MED9: variants seen among roughly 807,000 people sequenced by gnomAD.
MED9 encodes the protein mediator complex subunit 9, also known as mediator of RNA polymerase II transcription subunit 9.
In MED9, 8 loss-of-function variants were observed where a neutral mutation model predicts 13.2. That is an observed-to-expected ratio of 0.61 (90% confidence interval 0.36 to 1.10). The LOEUF (loss-of-function observed/expected upper bound fraction) is 1.10, where lower values mean the gene tolerates loss of function less well. Among genes scored for constraint, MED9 ranks in the 50% least tolerant of loss-of-function variants. The pLI, the probability that MED9 is intolerant of heterozygous loss-of-function variation, is 0.02. For missense variants in MED9, 180 were observed against 193.4 expected, an observed-to-expected ratio of 0.93 and a Z score of 0.41; for synonymous variants, 87 against 82.8, an observed-to-expected ratio of 1.05 and a Z score of -0.28.
At position 17,491,651 on chromosome 17, in the gene MED9, G is replaced by T; in HGVS notation, c.*156G>T. ...CTGTGCTGCTGCGCGCGCTTCGCCTGTGCGGGAGCCAGCGCAGAGCTTGGC... is the reference window on the plus strand; with the variant it reads ...CTGTGCTGCTGCGCGCGCTTCGCCTTTGCGGGAGCCAGCGCAGAGCTTGGC... On this transcript the variant is annotated 3_prime_UTR_variant, in exon 2 of 2. Transcript: ENST00000268711. 1.4e-6 allele frequency: 1 copy of T among 717,190 alleles called. No individual in the cohort carries two copies. Among genetic ancestry groups the T allele is most frequent in the South Asian group, 1.8e-5 (1 of 55,182 alleles). 44.4% of individuals were successfully genotyped at this position (717,190 alleles called of 1,614,324 possible). A position where few individuals can be genotyped will look rare whatever the true frequency, so the allele number is the denominator to read the frequency against.
Position 17,483,887 on chromosome 17 carries a change from C to G in MED9, c.224+6622C>G, listed in dbSNP as rs1322485892. ...GGGAGGCGGAGGTTGCAGTGAGCCA[C>G]GATCGCACCATTGCACTCCAGCCTG... On this transcript the variant is annotated intron_variant, in intron 1 of 1. Transcript: ENST00000268711. The surrounding 1 kb of genome is among the most constrained non-coding windows in gnomAD (Gnocchi z 4.2). Among the ~76,000 whole-genome samples, 1 of 149,132 alleles carries G rather than the reference C, an allele frequency of 6.7e-6. No homozygotes were observed.
At position 17,483,935 on chromosome 17, in the gene MED9, CAA is replaced by C. The variant is rs1210627017; in HGVS notation, c.224+6683_224+6684del. Among the ~76,000 whole-genome samples, 8 of 94,948 alleles carry C rather than the reference CAA, an allele frequency of 8.4e-5. No homozygotes were observed. The highest frequency in any genetic ancestry group is 2.3e-4 in the Admixed American group (2 of 8,582). The allele number at this position is 94,948 out of a possible 152,430, so 62.3% of individuals were successfully genotyped here. A position where few individuals can be genotyped will look rare whatever the true frequency, so the allele number is the denominator to read the frequency against. ...CTGGCGACAGAGCGAGACTCCATCT[CAA>C]AAAAAAAAAAAAGAATGAGGAAAGG... On this transcript the variant is annotated intron_variant, in intron 1 of 1. Coordinates refer to ENST00000268711, the MANE Select transcript of MED9 (RefSeq NM_018019.3). The surrounding 1 kb of genome is among the most constrained non-coding windows in gnomAD (Gnocchi z 4.2).
At position 17,477,511 on chromosome 17, in the gene MED9, A is replaced by T. The variant is rs1904945347; in HGVS notation, c.224+246A>T. The T allele has an allele frequency of 6.2e-6, 3 of 484,622 alleles. No homozygotes were observed. In the East Asian group the frequency reaches 1.0e-4, roughly 17 times the overall value. The allele number at this position is 484,622 out of a possible 1,614,324, so 30.0% of individuals were successfully genotyped here. A position where few individuals can be genotyped will look rare whatever the true frequency, so the allele number is the denominator to read the frequency against. On this transcript the variant is annotated intron_variant, in intron 1 of 1. Coordinates refer to ENST00000268711, the MANE Select transcript of MED9 (RefSeq NM_018019.3). ...AAGCCAGCTTAGAGACTAAATGCAG[A>T]CTCTTGTCCAGCGGCTCAAATGTTC... is the stretch of plus-strand genomic sequence containing the variant.
Position 17,491,478 on chromosome 17 carries a change from G to A in MED9, c.424G>A (p.Glu142Lys), listed in dbSNP as rs1905226413. Residue 142 changes from glutamate (E) to lysine (K), a missense_variant, in exon 2 of 2, where the codon GAA (glutamate) becomes AAA (lysine). Coordinates refer to ENST00000268711, the MANE Select transcript of MED9 (RefSeq NM_018019.3). ...LQKYKSLCMF[E>K]IPKE is the part of the protein sequence containing the mutation. The stretch of plus-strand genomic sequence containing the variant: ...AAAGTACAAGAGCCTCTGCATGTTC[G>A]AAATCCCCAAGGAGTAGAGTGAGGC... 1.2e-6 allele frequency: 2 copies of A among 1,613,030 alleles called. No individual in the cohort carries two copies. Among genetic ancestry groups the A allele is most frequent in the Non-Finnish European group, 1.7e-6 (2 of 1,179,196 alleles).
At position 17,491,391 on chromosome 17, in the gene MED9, C is replaced by G. The variant is rs1218422135; in HGVS notation, c.337C>G (p.Gln113Glu). 3 of 1,609,594 alleles carry G rather than the reference C, an allele frequency of 1.9e-6. No individual in the cohort carries two copies. The highest frequency in any genetic ancestry group is 1.1e-5 in the South Asian group (1 of 90,992). The stretch of plus-strand genomic sequence containing the variant: ...GCCCGGCATCCACCTGAGCCCCGAA[C>G]AGCAGCAGCAGCAGCTGCAGAGCCT... ...TMPGIHLSPEQQQQQLQSLRE... is the reference protein window; with the variant it reads ...TMPGIHLSPEEQQQQLQSLRE... Residue 113 changes from glutamine to glutamate, a missense_variant, in exon 2 of 2, where the codon CAG becomes GAG. By Grantham distance (29) the Gln-to-Glu change is conservative. Transcript: ENST00000268711.
At chr17:17,479,623 A>G (rs1172423725) in intron 1 of MED9, among the ~76,000 whole-genome samples, 1 of 152,020 alleles carries the variant, frequency 6.6e-6, no homozygotes, top group Non-Finnish European at 1.5e-5. Flanking sequence ...CTGGGAGTTC[A>G]AGACCAGCCT....
rs1905239939 is a variant in MED9, at chr17:17,491,836, A to G, written c.*341A>G. The G allele has an allele frequency of 2.8e-6, 1 of 358,092 alleles. No homozygotes were observed. The highest frequency in any genetic ancestry group is 2.1e-5 in the African/African-American group (1 of 47,646). 22.2% of individuals were successfully genotyped at this position (358,092 alleles called of 1,614,324 possible). A position where few individuals can be genotyped will look rare whatever the true frequency, so the allele number is the denominator to read the frequency against. ...ATCTGCTGCGCCCGGCCCCACTGACAGATCTGAAGAGCACAGTAGGAAGGG... is the reference window on the plus strand; with the variant it reads ...ATCTGCTGCGCCCGGCCCCACTGACGGATCTGAAGAGCACAGTAGGAAGGG... On this transcript the variant is annotated 3_prime_UTR_variant, in exon 2 of 2. Transcript: ENST00000268711.
Position 17,483,809 on chromosome 17 carries a change from C to T in MED9, c.224+6544C>T, listed in dbSNP as rs1421339799. Among the ~76,000 whole-genome samples, 8 of 151,944 alleles carry T rather than the reference C, an allele frequency of 5.3e-5. No homozygotes were observed. Among genetic ancestry groups the T allele is most frequent in the East Asian group, 1.9e-4 (1 of 5,152 alleles). ...AAAATTAGCTGGATGTGGTGGTGCA[C>T]GCCTGTAATCCCAGCTACTAGGGAG... On this transcript the variant is annotated intron_variant, in intron 1 of 1. Coordinates refer to ENST00000268711, the MANE Select transcript of MED9 (RefSeq NM_018019.3). This position sits in a 1 kb window ranked among gnomAD's most constrained non-coding sequence, Gnocchi z 4.2.
intron 1 of MED9, chr17:17,477,574 C>G (rs559919954): frequency 2.9e-6 from 1 of 339,642 alleles, no homozygotes; most frequent in East Asian, 5.6e-5. Flanking sequence ...CTCTTTAAGC[C>G]TCAGTTTTCT....
chr17:17,479,866 C>T (rs888184909), intron 1 of MED9, among the ~76,000 whole-genome samples: 3 of 152,176 alleles, frequency 2.0e-5, no homozygotes, highest in African/African-American at 7.2e-5. Context: ...AGTGGATGAC[C>T]AGGGCTAATT....
At chr17:17,479,282 T>TA (rs1489819272) in intron 1 of MED9, among the ~76,000 whole-genome samples, 1 of 152,242 alleles carries the variant, frequency 6.6e-6, no homozygotes, top group African/African-American at 2.4e-5. Context: ...TTATCTCTAA[T>TA]ATGTCCATAG....
Position 17,491,453 on chromosome 17 carries a change from A to G in MED9, c.399A>G (p.Gln133=). Residue 133 remains glutamine, a synonymous_variant, in exon 2 of 2, where the codon CAA becomes CAG. Transcript: ENST00000268711. The part of the protein sequence containing the change: ...EQVRTKNELL[Q]KYKSLCMFEI... ...TCAGGACCAAGAATGAGCTTCTGCAAAAGTACAAGAGCCTCTGCATGTTCG... is the reference window on the plus strand; with the variant it reads ...TCAGGACCAAGAATGAGCTTCTGCAGAAGTACAAGAGCCTCTGCATGTTCG... 6.2e-7 allele frequency: 1 copy of G among 1,614,092 alleles called. No homozygotes were observed. The highest frequency in any genetic ancestry group is 1.1e-5 in the South Asian group (1 of 91,088).
At chr17:17,477,412 C>T in intron 1 of MED9, 147 bp downstream of exon 1, 1 of 829,176 alleles carries the variant, frequency 1.2e-6, no homozygotes. Flanking sequence ...AGAGGCCTTT[C>T]CCAAGACCAC....
At position 17,492,174 on chromosome 17, in the gene MED9, T is replaced by G. The variant is rs1458587168; in HGVS notation, c.*679T>G. ...CTCCAGGTTCCCTGCCTCCTAGCGCTCTCCTCGCCTTCAGCTCTTGCTCCC... is the reference window on the plus strand; with the variant it reads ...CTCCAGGTTCCCTGCCTCCTAGCGCGCTCCTCGCCTTCAGCTCTTGCTCCC... On this transcript the variant is annotated 3_prime_UTR_variant, in exon 2 of 2. Coordinates refer to ENST00000268711, the MANE Select transcript of MED9 (RefSeq NM_018019.3). 6.5e-6 allele frequency: 1 copy of G among 154,070 alleles called. No individual in the cohort carries two copies. The highest frequency in any genetic ancestry group is 1.4e-5 in the Non-Finnish European group (1 of 69,392). The allele number at this position is 154,070 out of a possible 1,614,324, so 9.5% of individuals were successfully genotyped here.
At chr17:17,477,965 C>T (rs1227683467) in intron 1 of MED9, among the ~76,000 whole-genome samples, 1 of 152,194 alleles carries the variant, frequency 6.6e-6, no homozygotes, top group African/African-American at 2.4e-5. Flanking sequence ...AAAACAAAAA[C>T]ACAAAAGTCT....
intron 1 of MED9, among the ~76,000 whole-genome samples, chr17:17,480,259 T>C (rs748377227): frequency 2.0e-5 from 3 of 152,006 alleles, no homozygotes; most frequent in African/African-American, 7.3e-5. Flanking sequence ...CACCCGAGCC[T>C]TCCCCCACCT....
At chr17:17,485,355 G>T (rs1464324188) in intron 1 of MED9, 6 of 398,542 alleles carry the variant, frequency 1.5e-5, no homozygotes, top group Non-Finnish European at 2.7e-5. Flanking sequence ...AAAGTGCTGG[G>T]ATTACAGGCG....
intron 1 of MED9, among the ~76,000 whole-genome samples, chr17:17,488,859 C>T (rs892853893): frequency 1.3e-5 from 2 of 151,990 alleles, no homozygotes; most frequent in African/African-American, 4.8e-5. Context: ...AAAGAAACCA[C>T]AGTACCACAG....
chr17:17,481,954 A>G (rs559454217), intron 1 of MED9, among the ~76,000 whole-genome samples: 2 of 152,318 alleles, frequency 1.3e-5, no homozygotes, highest in African/African-American at 4.8e-5. Context: ...TGGCCTATAA[A>G]TCTGCCACCC....
Sources: gnomAD v4.1 joint callset for allele counts (sites outside exome capture counted in the v4.1 genomes callset) on GRCh38, gnomAD v4.1.1 for gene constraint, Gnocchi (gnomAD v3.1) non-coding constraint, MANE v1.5 for transcripts, NCBI Gene and HGNC (gene_info 2026-07-23, HGNC 2026-07-21) for gene names.